The following NELL1 variants were observed in gnomAD, a reference collection of about 807,000 sequenced individuals.
NELL1 encodes the protein protein kinase C-binding protein NELL1.
Under a neutral mutation model 107.4 loss-of-function variants are expected in NELL1, and 76 were observed. The observed-to-expected ratio is 0.71, with a 90% CI of 0.59 to 0.86. The LOEUF (loss-of-function observed/expected upper bound fraction) is 0.86. NELL1 is among the 40% of genes least tolerant of loss of function. The pLI, the probability that NELL1 is intolerant of heterozygous loss-of-function variation, is 0.00. For synonymous variants in NELL1, 353 were observed against 341.2 expected, an observed-to-expected ratio of 1.03 and a Z score of -0.38; for missense variants, 1,024 against 1,005.5, an observed-to-expected ratio of 1.02 and a Z score of -0.25.
intron 9 of NELL1, among the ~76,000 whole-genome samples, chr11:20,931,511 A>G (rs1850618149): frequency 6.6e-6 from 1 of 152,218 alleles, no homozygotes; most frequent in Non-Finnish European, 1.5e-5. Context: ...CACAGTGCCT[A>G]CGTATTTCAA....
chr11:20,973,362 C>A (rs1851540111), intron 12 of NELL1, among the ~76,000 whole-genome samples: 1 of 152,164 alleles, frequency 6.6e-6, no homozygotes. Context: ...CCTGCCTCGG[C>A]CTCCCAAAGT....
At chr11:20,704,043 A>C (rs1219741397) in intron 2 of NELL1, among the ~76,000 whole-genome samples, 1 of 151,532 alleles carries the variant, frequency 6.6e-6, no homozygotes, top group Non-Finnish European at 1.5e-5. Flanking sequence ...AGCTGAGTTC[A>C]ATTCCCGGGT....
intron 7 of NELL1, among the ~76,000 whole-genome samples, chr11:20,923,864 T>C (rs1183084304): frequency 6.6e-6 from 1 of 152,186 alleles, no homozygotes; most frequent in Non-Finnish European, 1.5e-5. Flanking sequence ...TTTTTTCCTT[T>C]CATATAGCAA....
At chr11:21,465,774 A>T (rs1474984026) in intron 15 of NELL1, among the ~76,000 whole-genome samples, 2 of 152,096 alleles carry the variant, frequency 1.3e-5, no homozygotes, top group Non-Finnish European at 2.9e-5. Context: ...TATCACTGCT[A>T]TTGTTCATAC....
At chr11:20,860,184 AGAAAG>A (rs2134072499) in intron 4 of NELL1, among the ~76,000 whole-genome samples, 1 of 152,278 alleles carries the variant, frequency 6.6e-6, no homozygotes, top group African/African-American at 2.4e-5. Context: ...TCAGGCTAAA[AGAAAG>A]GGGCCTCTTG....
intron 14 of NELL1, among the ~76,000 whole-genome samples, chr11:21,304,422 C>T (rs1264468955): frequency 2.0e-5 from 3 of 152,006 alleles, no homozygotes; most frequent in Admixed American, 6.6e-5. Flanking sequence ...TCTATTGTCT[C>T]TACCACTGTG....
At chr11:21,286,961 G>C (rs1203225513) in intron 14 of NELL1, among the ~76,000 whole-genome samples, 9 of 152,200 alleles carry the variant, frequency 5.9e-5, no homozygotes, top group Admixed American at 5.2e-4. Context: ...CTGCCTTATA[G>C]GGTTGTTGGA....
In NELL1 at chr11:21,093,893, A is replaced by T. The variant is rs1479492760; in HGVS notation, c.1301-19696A>T. ...GAGATTTGGTTGGGGAAACAGCCAA[A>T]TCATATCATTCCACCCCTGTACCCT... On this transcript the variant is annotated intron_variant, in intron 12 of 19. Coordinates refer to ENST00000357134, the MANE Select transcript of NELL1 (RefSeq NM_006157.5). Among the ~76,000 whole-genome samples the T allele has an allele frequency of 2.6e-5, 4 of 152,102 alleles. No homozygotes were observed. In the East Asian group the frequency reaches 7.7e-4, roughly 29 times the overall value.
intron 14 of NELL1, among the ~76,000 whole-genome samples, chr11:21,290,524 C>G (rs1311283917): frequency 6.6e-6 from 1 of 152,160 alleles, no homozygotes; most frequent in Non-Finnish European, 1.5e-5. Context: ...CAAGTGGGTC[C>G]CTGACCCCTG....
chr11:21,147,322 T>C (rs185060913), intron 13 of NELL1, among the ~76,000 whole-genome samples: 29 of 152,316 alleles, frequency 1.9e-4, no homozygotes, highest in African/African-American at 6.3e-4. Flanking sequence ...CTGTGGGAGA[T>C]GTAATGTGCC....
At chr11:21,455,963 A>G (rs907420840) in intron 15 of NELL1, among the ~76,000 whole-genome samples, 1 of 92,530 alleles carries the variant, frequency 1.1e-5, no homozygotes, top group Non-Finnish European at 2.1e-5. Context: ...ATCTCGGCTC[A>G]CTACAACCTC....
In NELL1 at chr11:21,573,753, TAGAA is replaced by T. The variant is rs1362380240; in HGVS notation, c.2382+350_2382+353del. Among the ~76,000 whole-genome samples the T allele has an allele frequency of 2.7e-5, 4 of 146,130 alleles. No homozygotes were observed. In the South Asian group the frequency reaches 8.5e-4, roughly 31 times the overall value. On this transcript the variant is annotated intron_variant, in intron 19 of 19. Transcript: ENST00000357134. Reference sequence around the variant, plus strand: ...AAAGGGAAAGAACAAGGAAGGGAAGTAGAAAGAAAAGAAGGAAGGAAGGGAGGGA... The same window carrying T: ...AAAGGGAAAGAACAAGGAAGGGAAGTAGAAAAGAAGGAAGGAAGGGAGGGA...
At chr11:21,224,106 C>T (rs546957012) in intron 13 of NELL1, among the ~76,000 whole-genome samples, 5 of 152,082 alleles carry the variant, frequency 3.3e-5, no homozygotes, top group Non-Finnish European at 7.4e-5. Flanking sequence ...TTTATCTTTG[C>T]CTTTTGAAAG....
At chr11:21,544,549 A>ACTTTT in intron 16 of NELL1, among the ~76,000 whole-genome samples, 1 of 152,082 alleles carries the variant, frequency 6.6e-6, no homozygotes, top group East Asian at 1.9e-4. Flanking sequence ...TAATAAAAGT[A>ACTTTT]AATATTAATA....
At chr11:21,293,007 A>G (rs1009808454) in intron 14 of NELL1, among the ~76,000 whole-genome samples, 17 of 152,238 alleles carry the variant, frequency 1.1e-4, no homozygotes, top group African/African-American at 3.9e-4. Flanking sequence ...CATTCAGGAC[A>G]TAGGCATGGG....
chr11:21,411,066 C>T (rs540168059), intron 15 of NELL1, among the ~76,000 whole-genome samples: 2 of 152,130 alleles, frequency 1.3e-5, no homozygotes, highest in Non-Finnish European at 2.9e-5. Context: ...CTGGTAACCA[C>T]ACAATTTTGA....
rs76498394 is a variant in NELL1, at chr11:20,998,693, T to C, written c.1300+38133T>C. 2.7e-3 allele frequency among the ~76,000 whole-genome samples: 413 copies of C among 152,334 alleles called. 1 individual carries two copies. Among genetic ancestry groups the C allele is most frequent in the Non-Finnish European group, 3.5e-3 (241 of 68,038 alleles). The stretch of plus-strand genomic sequence containing the variant: ...TGTTGACCAGTAGGAAAACATCGGC[T>C]GTCTTCCATCTTCCTGCTGGTCAGC... On this transcript the variant is annotated intron_variant, in intron 12 of 19. Coordinates refer to ENST00000357134, the MANE Select transcript of NELL1 (RefSeq NM_006157.5).
chr11:21,316,053 T>A (rs1157014750), intron 14 of NELL1, among the ~76,000 whole-genome samples: 1 of 152,182 alleles, frequency 6.6e-6, no homozygotes, highest in Non-Finnish European at 1.5e-5. Context: ...TCAGAACGTA[T>A]TTTTGGGACA....
intron 12 of NELL1, among the ~76,000 whole-genome samples, chr11:21,000,395 G>A (rs17232911): frequency 0.067 from 10,207 of 152,076 alleles, 418 homozygotes; most frequent in Middle Eastern, 0.13. Flanking sequence ...TAATCTTTTC[G>A]GAACCCAGAG....
Sources: gnomAD v4.1 joint callset for allele counts (sites outside exome capture counted in the v4.1 genomes callset) on GRCh38, gnomAD v4.1.1 for gene constraint, MANE v1.5 for transcripts, NCBI Gene and HGNC (gene_info 2026-07-23, HGNC 2026-07-21) for gene names.